Variants in DOCK11 observed in about 807,000 individuals in gnomAD.
DOCK11 encodes dedicator of cytokinesis 11.
In DOCK11, 70 loss-of-function variants were observed where a neutral mutation model predicts 169.1. That is an observed-to-expected ratio of 0.41 (90% CI 0.34 to 0.51). The LOEUF is 0.51. Among genes scored for constraint, DOCK11 ranks in the 20% least tolerant of loss-of-function variants. DOCK11 has a pLI of 0.10. For missense variants in DOCK11, 1,166 were observed against 1,538.8 expected (o/e 0.76, Z 4.05); for synonymous variants, 529 against 541.3 (o/e 0.98, Z 0.32).
rs185362730 is a variant in DOCK11 at position 118,659,212 on chromosome X, G to A, written c.4970-3474G>A. Among the ~76,000 whole-genome samples, 14 of 110,864 alleles carry A rather than the reference G, an allele frequency of 1.3e-4. No homozygotes were observed. In the East Asian group the frequency reaches 3.7e-3, roughly 29 times the overall value. On this transcript the variant is annotated intron_variant, in intron 44 of 52. Coordinates refer to ENST00000276202, the MANE Select transcript of DOCK11 (RefSeq NM_144658.4). ...CACACCCCTTCCCACTTTTTTTCAC[G>A]GGATAACTTGGATTCAGGGTTATGG...
chrX:118,680,677 C>T lies in DOCK11; in HGVS notation c.5656C>T (p.Arg1886Cys). 1.7e-6 allele frequency: 2 copies of T among 1,185,014 alleles called. No individual in the cohort carries two copies. The highest frequency in any genetic ancestry group is 2.0e-5 in the South Asian group (1 of 51,030). Residue 1886 changes from arginine to cysteine, a missense_variant, in exon 49 of 53, where the codon CGT becomes TGT. Physicochemically the swap from Arg to Cys is radical, Grantham distance 180. Transcript: ENST00000276202. ...CTGTATAGAAGAACAGTGCAAACGC[C>T]GTACAATCTTGACAAGTAAGTACAA... Reference protein sequence around the residue: ...QGCIEEQCKRRTILTTSNSFP... With the variant: ...QGCIEEQCKRCTILTTSNSFP...
Position 118,654,728 on chromosome X carries a change from G to A in DOCK11, c.4822G>A (p.Ala1608Thr). 8.3e-7 allele frequency: 1 copy of A among 1,211,861 alleles called. No homozygotes were observed. The highest frequency in any genetic ancestry group is 1.1e-6 in the Non-Finnish European group (1 of 895,532). ...EMLIDLQYSL[A>T]KSYASTPELR... ...GCTAATTGATCTCCAGTATAGCTTA[G>A]CCAAGTCCTATGCAAGCACCCCAGA... Residue 1608 changes from alanine (A) to threonine (T), a missense_variant, in exon 43 of 53, where the codon GCC (alanine) becomes ACC (threonine). Transcript: ENST00000276202.
chrX:118,678,558 C>T (rs192930505), intron 48 of DOCK11, among the ~76,000 whole-genome samples: 18 of 109,344 alleles, frequency 1.6e-4, no homozygotes, highest in African/African-American at 4.7e-4. Context: ...CTGCAACCTC[C>T]GCCTCCTGGG....
rs192186848 is a variant in DOCK11, at chrX:118,554,623, T to C, written c.559-6760T>C. Reference sequence around the variant, plus strand: ...CACAATAAAAATAATTGTTTAAAGATGGTACAGTGACCAAGTGCTACATGA... The same window carrying C: ...CACAATAAAAATAATTGTTTAAAGACGGTACAGTGACCAAGTGCTACATGA... On this transcript the variant is annotated intron_variant, in intron 6 of 52. Coordinates refer to ENST00000276202, the MANE Select transcript of DOCK11 (RefSeq NM_144658.4). 2.0e-3 allele frequency among the ~76,000 whole-genome samples: 225 copies of C among 111,661 alleles called. 1 individual carries two copies. The highest frequency in any genetic ancestry group is 7.1e-3 in the African/African-American group (217 of 30,763).
chrX:118,600,409 T>TAA (rs749187430), intron 23 of DOCK11, among the ~76,000 whole-genome samples: 1 of 74,000 alleles, frequency 1.4e-5, no homozygotes, highest in Non-Finnish European at 2.8e-5. Context: ...TCTTTTTTTT[T>TAA]AAAAAAAAAA....
At chrX:118,602,300 G>C (rs974328259) in intron 23 of DOCK11, among the ~76,000 whole-genome samples, 14 of 109,809 alleles carry the variant, frequency 1.3e-4, no homozygotes, top group African/African-American at 4.3e-4. Flanking sequence ...TTGAGCTCTT[G>C]TTATATATTT....
intron 44 of DOCK11, 51 bp downstream of exon 44, chrX:118,655,012 G>A (rs779882747): frequency 9.3e-7 from 1 of 1,080,148 alleles, no homozygotes; most frequent in African/African-American, 1.8e-5. Flanking sequence ...TAGCATAATA[G>A]TTTTTTATCT....
At chrX:118,581,787 G>A (rs1414727459) in intron 14 of DOCK11, among the ~76,000 whole-genome samples, 1 of 77,582 alleles carries the variant, frequency 1.3e-5, no homozygotes, top group Non-Finnish European at 2.3e-5. Flanking sequence ...CTGGGCGACA[G>A]AGCGAGACTC....
chrX:118,550,913 C>A (rs1472755031), intron 6 of DOCK11, among the ~76,000 whole-genome samples: 2 of 111,442 alleles, frequency 1.8e-5, no homozygotes, highest in Non-Finnish European at 3.8e-5. Flanking sequence ...GTGAAGAATA[C>A]TAATGAAGCT....
intron 10 of DOCK11, among the ~76,000 whole-genome samples, chrX:118,570,206 C>T (rs1046162402): frequency 9.0e-6 from 1 of 111,706 alleles, no homozygotes; most frequent in African/African-American, 3.3e-5. Flanking sequence ...GAGACATGAC[C>T]TTAGAGAATA....
At chrX:118,684,283 T>C (rs2016809791) in intron 52 of DOCK11, among the ~76,000 whole-genome samples, 3 of 98,590 alleles carry the variant, frequency 3.0e-5, no homozygotes, top group African/African-American at 1.1e-4. Context: ...TTTTTTTTTT[T>C]TTTTTTGAGA....
At position 118,628,555 on chromosome X, in the gene DOCK11, T is replaced by C. The variant is rs147319883; in HGVS notation, c.3774+283T>C. The stretch of plus-strand genomic sequence containing the variant: ...ATTTTAGTGAGGAGAAATTCAAGTT[T>C]AAAATATCTAATGTGCCTTGTTATT... On this transcript the variant is annotated intron_variant, in intron 34 of 52. Transcript: ENST00000276202. Among the ~76,000 whole-genome samples, 636 of 112,578 alleles carry C rather than the reference T, an allele frequency of 5.6e-3. 6 individuals are homozygous for C. Among genetic ancestry groups the C allele is most frequent in the African/African-American group, 0.02 (614 of 31,047 alleles).
chrX:118,505,349 A>G (rs2057604504), intron 1 of DOCK11, among the ~76,000 whole-genome samples: 1 of 112,131 alleles, frequency 8.9e-6, no homozygotes, highest in African/African-American at 3.2e-5. Flanking sequence ...TTATATTCTT[A>G]ATGTATAATA....
rs1200983528 is a variant in DOCK11 at position 118,636,401 on chromosome X, T to C, written c.3942T>C (p.Leu1314=). The C allele has an allele frequency of 9.5e-7, 1 of 1,054,187 alleles. No individual in the cohort carries two copies. The highest frequency in any genetic ancestry group is 1.3e-6 in the Non-Finnish European group (1 of 773,212). The allele number at this position is 1,054,187 out of a possible 1,213,427, so 86.9% of individuals were successfully genotyped here. Residue 1314 remains leucine (L), a synonymous_variant, in exon 36 of 53, where the codon CTT becomes CTC. Transcript: ENST00000276202. ...KVSPQELINI[L]ILLEVCLFHF... ...CACCTCAGGAGCTCATAAACATTCT[T>C]ATACTTTTAGAGTAAGTTATATTAA...
intron 31 of DOCK11, among the ~76,000 whole-genome samples, chrX:118,619,156 G>A (rs1185478911): frequency 9.2e-6 from 1 of 109,259 alleles, no homozygotes; most frequent in Non-Finnish European, 1.9e-5. Context: ...ACTGTACCTG[G>A]CCTCAAAACA....
At chrX:118,662,583 A>G (rs1219152862) in intron 44 of DOCK11, 103 bp from the exon 45 acceptor site, 1 of 435,059 alleles carries the variant, frequency 2.3e-6, no homozygotes, top group African/African-American at 2.5e-5. Context: ...GATTCTTACA[A>G]AAATAATGTG....
At chrX:118,547,980 C>T (rs867367214) in intron 6 of DOCK11, among the ~76,000 whole-genome samples, 4 of 111,301 alleles carry the variant, frequency 3.6e-5, no homozygotes, top group South Asian at 3.8e-4. Flanking sequence ...CCCAGGAGTT[C>T]GAGGCTGCAG....
Position 118,496,091 on chromosome X carries a change from G to C in DOCK11, c.102+18G>C. The C allele has an allele frequency of 6.2e-6, 6 of 971,813 alleles. No homozygotes were observed. Among genetic ancestry groups the C allele is most frequent in the African/African-American group, 2.0e-5 (1 of 49,858 alleles). The allele number at this position is 971,813 out of a possible 1,213,427, so 80.1% of individuals were successfully genotyped here. ...TGGTGCTGGTGAGTGGCCGGGGGAC[G>C]GGGCATCCCGGGGGACGCGCTCCAG... On this transcript the variant is annotated intron_variant, in intron 1 of 52. Transcript: ENST00000276202.
intron 31 of DOCK11, among the ~76,000 whole-genome samples, chrX:118,620,431 T>C (rs1192841300): frequency 8.9e-6 from 1 of 112,162 alleles, no homozygotes; most frequent in Non-Finnish European, 1.9e-5. Flanking sequence ...TGACATCTGC[T>C]CACATTCCTT....
Sources: gnomAD v4.1 joint callset for allele counts (sites outside exome capture counted in the v4.1 genomes callset) on GRCh38, gnomAD v4.1.1 for gene constraint, MANE v1.5 for transcripts, NCBI Gene and HGNC (gene_info 2026-07-23, HGNC 2026-07-21) for gene names.